Variants in AGK observed in about 807,000 individuals in gnomAD.
The protein encoded by AGK is acylglycerol kinase.
Under a neutral mutation model 66.4 loss-of-function variants are expected in AGK, and 52 were observed. The ratio of observed to expected loss-of-function variants is 0.78; its 90% CI spans 0.63 to 0.99. The LOEUF (loss-of-function observed/expected upper bound fraction) is 0.99. Ranked by LOEUF, AGK falls within the 50% of genes least tolerant of loss-of-function variation. AGK has a pLI of 0.00. For missense variants in AGK, 451 were observed against 506.6 expected (o/e 0.89, Z 1.05); for synonymous variants, 182 against 181.1 (o/e 1.00, Z -0.04).
At chr7:141,554,105 C>T (rs944228482) in intron 1 of AGK, among the ~76,000 whole-genome samples, 2 of 151,870 alleles carry the variant, frequency 1.3e-5, no homozygotes, top group Non-Finnish European at 2.9e-5. Context: ...TTTGGATGGC[C>T]AAGGCGGGAG....
rs1163952315 is a variant in AGK, at chr7:141,598,159, T to C, written c.221+1518T>C. Among the ~76,000 whole-genome samples, 1 of 152,162 alleles carries C rather than the reference T, an allele frequency of 6.6e-6. No homozygotes were observed. The highest frequency in any genetic ancestry group is 1.5e-5 in the Non-Finnish European group (1 of 68,038). ...GAGGACACATCCTGCTTTATTTCTT[T>C]GTAATTCAGTGGTTTAATTCAGATT... On this transcript the variant is annotated intron_variant, in intron 4 of 15. Coordinates refer to ENST00000649286, the MANE Select transcript of AGK (RefSeq NM_018238.4). The surrounding 1 kb of genome is among the most constrained non-coding windows in gnomAD (Gnocchi z 4.2).
chr7:141,620,350 T>A (rs920907592), intron 8 of AGK, among the ~76,000 whole-genome samples: 1 of 152,136 alleles, frequency 6.6e-6, no homozygotes, highest in Admixed American at 6.5e-5. Context: ...TAAATCTAAC[T>A]TTAAAAAAGA....
At chr7:141,628,170 G>A (rs914698768) in intron 9 of AGK, among the ~76,000 whole-genome samples, 7 of 152,152 alleles carry the variant, frequency 4.6e-5, no homozygotes, top group African/African-American at 9.7e-5. Context: ...GTGAGCCACC[G>A]CACCTGGCCT....
intron 11 of AGK, among the ~76,000 whole-genome samples, chr7:141,640,155 G>A (rs578192533): frequency 3.2e-4 from 48 of 152,110 alleles, no homozygotes; most frequent in Non-Finnish European, 4.7e-4. Flanking sequence ...AGATCAAAAC[G>A]TCATCTTTAT....
At position 141,650,780 on chromosome 7, in the gene AGK, C is replaced by T. The variant is rs558178052; in HGVS notation, c.1047-745C>T. ...CCACGGTATCCTTGGGGTATTGGTT[C>T]CAGGACCTCCCTCAGATACCAAAAT... is the stretch of plus-strand genomic sequence containing the variant. On this transcript the variant is annotated intron_variant, in intron 14 of 15. Transcript: ENST00000649286. 165 of 665,102 alleles carry T rather than the reference C, an allele frequency of 2.5e-4. No individual in the cohort carries two copies. The South Asian group carries it at 8.9e-3, about 36-fold the overall frequency. The allele number at this position is 665,102 out of a possible 1,614,324, so 41.2% of individuals were successfully genotyped here. A position where few individuals can be genotyped will look rare whatever the true frequency, so the allele number is the denominator to read the frequency against.
intron 13 of AGK, among the ~76,000 whole-genome samples, chr7:141,646,232 C>G (rs970134804): frequency 2.1e-4 from 32 of 152,160 alleles, no homozygotes; most frequent in Non-Finnish European, 2.4e-4. Flanking sequence ...CCTCTGGAAT[C>G]TTCAGCTGAG....
intron 6 of AGK, 55 bp from the exon 7 acceptor site, chr7:141,614,091 T>C: frequency 7.8e-7 from 1 of 1,282,728 alleles, no homozygotes. Flanking sequence ...CCAATTCTTT[T>C]ATTGTAAAGG....
intron 2 of AGK, among the ~76,000 whole-genome samples, chr7:141,578,874 C>T (rs1795815239): frequency 6.6e-6 from 1 of 151,982 alleles, no homozygotes; most frequent in African/African-American, 2.4e-5. Context: ...ATAGCCCTGC[C>T]AGCAAAGATT....
chr7:141,611,877 C>T (rs2116956638), intron 6 of AGK, among the ~76,000 whole-genome samples: 1 of 152,298 alleles, frequency 6.6e-6, no homozygotes, highest in Admixed American at 6.5e-5. Flanking sequence ...AACAGGAACT[C>T]TCATTGTTGG....
At chr7:141,574,246 G>GA (rs1338055926) in intron 2 of AGK, among the ~76,000 whole-genome samples, 2 of 152,114 alleles carry the variant, frequency 1.3e-5, no homozygotes, top group Non-Finnish European at 2.9e-5. Flanking sequence ...AGAAATCATT[G>GA]AAAAAATGGC....
intron 13 of AGK, among the ~76,000 whole-genome samples, chr7:141,643,212 A>G: frequency 6.6e-6 from 1 of 152,238 alleles, no homozygotes; most frequent in South Asian, 2.1e-4. Flanking sequence ...TTCACCCTAT[A>G]AAAAAAATTC....
chr7:141,629,279 A>G (rs562945669), intron 9 of AGK, among the ~76,000 whole-genome samples: 5 of 152,084 alleles, frequency 3.3e-5, no homozygotes, highest in Non-Finnish European at 5.9e-5. Context: ...ATTTTCTTCC[A>G]CAAACCCTAG....
intron 13 of AGK, among the ~76,000 whole-genome samples, chr7:141,645,914 C>T (rs180735492): frequency 1.3e-5 from 2 of 152,070 alleles, no homozygotes; most frequent in Non-Finnish European, 2.9e-5. Context: ...ACCTTAAACA[C>T]CTTAAAAATT....
intron 2 of AGK, among the ~76,000 whole-genome samples, chr7:141,590,661 T>TA (rs1023516523): frequency 1.3e-5 from 2 of 152,198 alleles, no homozygotes; most frequent in African/African-American, 4.8e-5. Flanking sequence ...AAGTATCCAG[T>TA]AAGCTATAAG....
At chr7:141,649,174 A>C (rs1315894213) in intron 13 of AGK, 89 bp from the exon 14 acceptor site, 1 of 778,008 alleles carries the variant, frequency 1.3e-6, no homozygotes, top group Non-Finnish European at 2.3e-6. Flanking sequence ...ATATAGCTTC[A>C]AACTATGAAC....
At chr7:141,559,480 T>C (rs1210205640) in intron 2 of AGK, among the ~76,000 whole-genome samples, 1 of 152,212 alleles carries the variant, frequency 6.6e-6, no homozygotes, top group Non-Finnish European at 1.5e-5. Flanking sequence ...TATATCTGTA[T>C]TTATGCCAAT....
intron 2 of AGK, among the ~76,000 whole-genome samples, chr7:141,560,392 C>G: frequency 6.6e-6 from 1 of 151,718 alleles, no homozygotes; most frequent in East Asian, 1.9e-4. Context: ...TGGAAGCTGC[C>G]TTGTCCTTTC....
chr7:141,560,494 C>G (rs1195096257), intron 2 of AGK, among the ~76,000 whole-genome samples: 1 of 151,444 alleles, frequency 6.6e-6, no homozygotes, highest in East Asian at 1.9e-4. Flanking sequence ...TTTTGGGGAA[C>G]AGGTGGTGGT....
intron 4 of AGK, among the ~76,000 whole-genome samples, chr7:141,597,602 G>T (rs1796253388): frequency 6.6e-6 from 1 of 152,046 alleles, no homozygotes; most frequent in Non-Finnish European, 1.5e-5. Flanking sequence ...TGGGTGCAGT[G>T]GTTCACGCCT....
Sources: gnomAD v4.1 joint callset for allele counts (sites outside exome capture counted in the v4.1 genomes callset) on GRCh38, gnomAD v4.1.1 for gene constraint, Gnocchi (gnomAD v3.1) non-coding constraint, MANE v1.5 for transcripts, NCBI Gene and HGNC (gene_info 2026-07-23, HGNC 2026-07-21) for gene names.